Variants in ABI1 observed in about 807,000 individuals in gnomAD.
ABI1 encodes the protein abl interactor 1.
ABI1 carries 14 observed loss-of-function variants against 54.6 expected under a neutral mutation model. The ratio of observed to expected loss-of-function variants is 0.26; its 90% confidence interval spans 0.17 to 0.40. The LOEUF (loss-of-function observed/expected upper bound fraction) is 0.40. ABI1 is among the 10% of genes least tolerant of loss of function. The pLI is 1.00. For missense variants in ABI1, 443 were observed against 598.3 expected, an observed-to-expected ratio of 0.74 and a Z score of 2.71; for synonymous variants, 194 against 209.3, an observed-to-expected ratio of 0.93 and a Z score of 0.63.
intron 2 of ABI1, among the ~76,000 whole-genome samples, chr10:26,802,157 C>T (rs995940597): frequency 6.6e-5 from 10 of 152,082 alleles, no homozygotes. Context: ...CATTTGTTAT[C>T]CCTGGAAGTT....
At chr10:26,850,553 G>A (rs1443464811) in intron 1 of ABI1, among the ~76,000 whole-genome samples, 1 of 151,740 alleles carries the variant, frequency 6.6e-6, no homozygotes, top group Non-Finnish European at 1.5e-5. Context: ...AACTACTCAA[G>A]AGGCTAAGGC....
At position 26,748,721 on chromosome 10, in the gene ABI1, T is replaced by G. The variant is rs747717030; in HGVS notation, c.1295A>C (p.Lys432Thr). The G allele has an allele frequency of 6.2e-7, 1 of 1,612,692 alleles. No individual in the cohort carries two copies. The highest frequency in any genetic ancestry group is 8.5e-7 in the Non-Finnish European group (1 of 1,179,466). ...EKVVAIYDYT[K>T]DKDDELSFME... The stretch of plus-strand genomic sequence containing the variant: ...AAATGACAGCTCATCATCCTTGTCT[T>G]TTGTATAATCATATATTGCAACAAC... The change falls in exon 11 of 11, where the codon AAA becomes ACA. Residue 432 changes from lysine to threonine, a missense_variant. Physicochemically the swap from Lys to Thr is moderately conservative, Grantham distance 78 (BLOSUM62 -1). Coordinates refer to ENST00000376140, the MANE Select transcript of ABI1 (RefSeq NM_001012750.3).
At chr10:26,782,006 T>C (rs1413233592) in intron 2 of ABI1, among the ~76,000 whole-genome samples, 1 of 152,158 alleles carries the variant, frequency 6.6e-6, no homozygotes, top group Non-Finnish European at 1.5e-5. Context: ...AAAGGACTCA[T>C]TTGTCTCATG....
intron 2 of ABI1, among the ~76,000 whole-genome samples, chr10:26,821,532 T>C (rs1407943976): frequency 6.6e-6 from 1 of 152,146 alleles, no homozygotes; most frequent in East Asian, 1.9e-4. Context: ...GTGCTGTCGC[T>C]CAAGCATGTA....
At chr10:26,763,980 T>A (rs775265512) in intron 7 of ABI1, 1 of 1,590,142 alleles carries the variant, frequency 6.3e-7, no homozygotes, top group Admixed American at 1.7e-5. Context: ...TAGTTTATAA[T>A]TCAGGTCAGA....
intron 1 of ABI1, among the ~76,000 whole-genome samples, chr10:26,841,552 T>C (rs749564456): frequency 6.6e-6 from 1 of 152,116 alleles, no homozygotes; most frequent in Admixed American, 6.6e-5. Context: ...TCATCCTACA[T>C]ACTTGCTATT....
At chr10:26,821,001 G>C (rs1355167579) in intron 2 of ABI1, among the ~76,000 whole-genome samples, 6 of 94,800 alleles carry the variant, frequency 6.3e-5, no homozygotes, top group Admixed American at 5.1e-4. Context: ...CTAGCACTTC[G>C]GGAGGCCAAG....
At chr10:26,756,638 C>T (rs758580249) in intron 8 of ABI1, among the ~76,000 whole-genome samples, 6 of 152,102 alleles carry the variant, frequency 3.9e-5, no homozygotes, top group East Asian at 3.8e-4. Context: ...TTATAACATA[C>T]ACTAGAAGTA....
chr10:26,850,508 A>T lies in ABI1; in HGVS notation c.117+10239T>A, dbSNP rs557866247. ...CCCTGTCCTTACTAAAAATACAAAA[A>T]TTAGCCAGGTGTGGTGGCACATGCC... On this transcript the variant is annotated intron_variant, in intron 1 of 10. Coordinates refer to ENST00000376140, the MANE Select transcript of ABI1 (RefSeq NM_001012750.3). 2.0e-5 allele frequency among the ~76,000 whole-genome samples: 3 copies of T among 152,040 alleles called. No individual in the cohort carries two copies. In the South Asian group the frequency reaches 6.3e-4, roughly 32 times the overall value.
chr10:26,764,022 C>T, intron 7 of ABI1: 1 of 1,325,238 alleles, frequency 7.5e-7, no homozygotes, highest in Non-Finnish European at 1.1e-6. Context: ...CATTTTGAAA[C>T]AGCAAGAAAG....
intron 2 of ABI1, among the ~76,000 whole-genome samples, chr10:26,781,748 G>T (rs1353622774): frequency 6.6e-6 from 1 of 152,176 alleles, no homozygotes; most frequent in Non-Finnish European, 1.5e-5. Flanking sequence ...GAGATCAATT[G>T]TAGTTGCTGA....
chr10:26,844,288 G>A (rs1033562991), intron 1 of ABI1, among the ~76,000 whole-genome samples: 1 of 152,086 alleles, frequency 6.6e-6, no homozygotes, highest in African/African-American at 2.4e-5. Context: ...AACTTTGCCT[G>A]AGAACCCCCA....
At chr10:26,748,855 A>C in intron 10 of ABI1, 110 bp from the exon 11 acceptor site, 1 of 800,654 alleles carries the variant, frequency 1.2e-6, no homozygotes, top group South Asian at 1.9e-5. Flanking sequence ...ATTTTTATGA[A>C]GATTTCTTAA....
At chr10:26,823,967 GAA>G (rs56186771) in intron 1 of ABI1, among the ~76,000 whole-genome samples, 1 of 137,914 alleles carries the variant, frequency 7.3e-6, no homozygotes, top group Non-Finnish European at 1.6e-5. Flanking sequence ...ATCTAAAAAT[GAA>G]AAAAAAAAAG....
At chr10:26,816,662 C>T (rs571035515) in intron 2 of ABI1, among the ~76,000 whole-genome samples, 7 of 152,104 alleles carry the variant, frequency 4.6e-5, no homozygotes, top group African/African-American at 7.2e-5. Flanking sequence ...CTCAATACCT[C>T]GAATGTTTTA....
At chr10:26,768,095 T>C (rs1840183768) in intron 6 of ABI1, among the ~76,000 whole-genome samples, 1 of 152,030 alleles carries the variant, frequency 6.6e-6, no homozygotes, top group East Asian at 1.9e-4. Flanking sequence ...TCTAGTATAC[T>C]GATTCTCTTA....
intron 2 of ABI1, among the ~76,000 whole-genome samples, chr10:26,805,106 A>ATT (rs2046798439): frequency 2.0e-5 from 3 of 152,344 alleles, no homozygotes; most frequent in African/African-American, 7.2e-5. Flanking sequence ...GGAAAAACAA[A>ATT]GACGCACAAA....
chr10:26,839,607 C>G, intron 1 of ABI1: 1 of 579,608 alleles, frequency 1.7e-6, no homozygotes, highest in Non-Finnish European at 3.1e-6. Context: ...CTGTCACAAT[C>G]AGCACCACCC....
chr10:26,789,941 C>A (rs1180059791), intron 2 of ABI1, among the ~76,000 whole-genome samples: 15 of 152,178 alleles, frequency 9.9e-5, no homozygotes. Context: ...CCATCCATGT[C>A]CCTGCAAAAG....
Sources: gnomAD v4.1 joint callset for allele counts (sites outside exome capture counted in the v4.1 genomes callset) on GRCh38, gnomAD v4.1.1 for gene constraint, MANE v1.5 for transcripts, NCBI Gene and HGNC (gene_info 2026-07-23, HGNC 2026-07-21) for gene names.